The following NCALD variants were observed in gnomAD, a reference collection of about 807,000 sequenced individuals.
NCALD encodes neurocalcin delta.
Under a neutral mutation model 18.6 loss-of-function variants are expected in NCALD, and 10 were observed. That is an observed-to-expected ratio of 0.54 (90% CI 0.33 to 0.91). The LOEUF (loss-of-function observed/expected upper bound fraction) is 0.91. Ranked by LOEUF, NCALD falls within the 40% of genes least tolerant of loss-of-function variation. NCALD has a pLI of 0.03. For missense variants in NCALD, 184 were observed against 247.6 expected (o/e 0.74, Z 1.72); for synonymous variants, 88 against 87.4 (o/e 1.01, Z -0.04).
At chr8:101,967,211 T>G (rs1820063337) in intron 2 of NCALD, among the ~76,000 whole-genome samples, 2 of 152,176 alleles carry the variant, frequency 1.3e-5, no homozygotes, top group South Asian at 4.1e-4. Flanking sequence ...TTTTAGCAGT[T>G]GATTCATGAA....
chr8:101,912,373 G>A (rs904948549), intron 3 of NCALD, among the ~76,000 whole-genome samples: 2 of 152,144 alleles, frequency 1.3e-5, no homozygotes, highest in African/African-American at 4.8e-5. Flanking sequence ...TGTTGCTATG[G>A]AGTTGAGAAC....
At chr8:101,767,753 C>T (rs966181696) in intron 1 of NCALD, among the ~76,000 whole-genome samples, 4 of 152,232 alleles carry the variant, frequency 2.6e-5, no homozygotes, top group Non-Finnish European at 2.9e-5. Context: ...ATGCAGAATT[C>T]CACTTTCCCT....
chr8:101,900,574 G>A (rs184254744), intron 3 of NCALD, among the ~76,000 whole-genome samples: 24 of 151,888 alleles, frequency 1.6e-4, no homozygotes, highest in South Asian at 4.2e-4. Context: ...TCACTTTAAC[G>A]TATTTTTTTA....
chr8:102,051,961 A>G (rs1823472932), intron 1 of NCALD, among the ~76,000 whole-genome samples: 1 of 152,276 alleles, frequency 6.6e-6, no homozygotes, highest in Admixed American at 6.5e-5. Flanking sequence ...TCAAATGGAC[A>G]GAAGAATGCA....
chr8:101,947,200 A>G (rs1819209822), intron 2 of NCALD, among the ~76,000 whole-genome samples: 1 of 152,222 alleles, frequency 6.6e-6, no homozygotes, highest in Non-Finnish European at 1.5e-5. Flanking sequence ...GTCAAGAGCA[A>G]AAGTCATGGC....
intron 2 of NCALD, among the ~76,000 whole-genome samples, chr8:102,016,374 G>A (rs1298897181): frequency 6.6e-6 from 1 of 152,182 alleles, no homozygotes; most frequent in Non-Finnish European, 1.5e-5. Context: ...CAGGTGAACT[G>A]AGAACTCACC....
chr8:101,883,609 G>A (rs969689742), intron 4 of NCALD, among the ~76,000 whole-genome samples: 4 of 152,118 alleles, frequency 2.6e-5, no homozygotes, highest in Admixed American at 6.5e-5. Context: ...CGTGATTTGG[G>A]TACTATGAAG....
intron 2 of NCALD, among the ~76,000 whole-genome samples, chr8:101,709,495 T>G (rs1815686808): frequency 6.6e-6 from 1 of 152,214 alleles, no homozygotes; most frequent in Admixed American, 6.5e-5. Flanking sequence ...AATTTGGCCT[T>G]TCAAGGGTCT....
intron 4 of NCALD, among the ~76,000 whole-genome samples, chr8:101,802,006 A>C (rs1359163960): frequency 6.6e-6 from 1 of 151,950 alleles, no homozygotes; most frequent in Non-Finnish European, 1.5e-5. Flanking sequence ...ACTGTGCTTC[A>C]CACATACTGT....
In NCALD at chr8:101,783,518, G is replaced by A. The variant is rs573763278; in HGVS notation, c.-20+7344C>T. 1.6e-4 allele frequency among the ~76,000 whole-genome samples: 24 copies of A among 152,326 alleles called. No homozygotes were observed. The South Asian group carries it at 4.8e-3, about 30-fold the overall frequency. ...TAGAGCAGAAAACATTGCCCTAGAAGCATAGGAAATGGGCCAAAATAGTGT... is the reference window on the plus strand; with the variant it reads ...TAGAGCAGAAAACATTGCCCTAGAAACATAGGAAATGGGCCAAAATAGTGT... On this transcript the variant is annotated intron_variant, in intron 1 of 3. Coordinates refer to ENST00000220931, the MANE Select transcript of NCALD (RefSeq NM_032041.3).
At chr8:101,721,281 T>C (rs1251981399) in intron 1 of NCALD, 1 of 152,434 alleles carries the variant, frequency 6.6e-6, no homozygotes, top group African/African-American at 2.4e-5. Context: ...TTCTGGGGTT[T>C]GTTTCTGTCT....
At chr8:101,883,416 T>C (rs980979151) in intron 4 of NCALD, among the ~76,000 whole-genome samples, 1 of 151,894 alleles carries the variant, frequency 6.6e-6, no homozygotes, top group Non-Finnish European at 1.5e-5. Flanking sequence ...TCTCCATCAG[T>C]GTTAGACTCT....
chr8:101,703,523 C>A (rs1248133153), intron 2 of NCALD, among the ~76,000 whole-genome samples: 1 of 152,022 alleles, frequency 6.6e-6, no homozygotes, highest in Non-Finnish European at 1.5e-5. Context: ...AACCACAAAC[C>A]CAAAAAACAA....
intron 4 of NCALD, among the ~76,000 whole-genome samples, chr8:101,834,221 G>A (rs1019107175): frequency 3.9e-5 from 6 of 152,316 alleles, no homozygotes; most frequent in African/African-American, 7.2e-5. Context: ...TACATCAGTC[G>A]ATGCATTTAC....
intron 1 of NCALD, among the ~76,000 whole-genome samples, chr8:102,068,462 A>G (rs79203432): frequency 0.061 from 9,255 of 152,236 alleles, 416 homozygotes; most frequent in Non-Finnish European, 0.092. Flanking sequence ...TTCTCTGCCT[A>G]GAATGTTCTT....
At chr8:101,936,115 G>A (rs1818754078) in intron 2 of NCALD, among the ~76,000 whole-genome samples, 1 of 152,154 alleles carries the variant, frequency 6.6e-6, no homozygotes, top group Non-Finnish European at 1.5e-5. Context: ...TGAGAGTGAG[G>A]AGGGGGTTGG....
chr8:101,698,616 G>A (rs1483268013), intron 2 of NCALD, among the ~76,000 whole-genome samples: 2 of 152,142 alleles, frequency 1.3e-5, no homozygotes, highest in Non-Finnish European at 1.5e-5. Context: ...AGAGACCTCA[G>A]AAATAACACC....
At chr8:101,944,927 T>G (rs983493317) in intron 2 of NCALD, among the ~76,000 whole-genome samples, 2 of 152,218 alleles carry the variant, frequency 1.3e-5, no homozygotes, top group African/African-American at 4.8e-5. Context: ...TAAATTATCT[T>G]TCAAATCCCA....
At chr8:101,965,090 C>T (rs1274069893) in intron 2 of NCALD, among the ~76,000 whole-genome samples, 4 of 152,080 alleles carry the variant, frequency 2.6e-5, no homozygotes, top group African/African-American at 7.2e-5. Flanking sequence ...GTTAGAATAG[C>T]AATCATTAAA....
Sources: allele counts gnomAD v4.1 joint callset (sites outside exome capture counted in the v4.1 genomes callset), GRCh38; gene constraint gnomAD v4.1.1; transcripts MANE v1.5; gene names NCBI Gene and HGNC (gene_info 2026-07-23, HGNC 2026-07-21).